The following PSKH1 variants were observed in gnomAD, a reference collection of about 807,000 sequenced individuals.
PSKH1 encodes the protein serine/threonine-protein kinase H1.
Under a neutral mutation model 26.7 loss-of-function variants are expected in PSKH1, and 12 were observed. That is an observed-to-expected ratio of 0.45 (90% CI 0.29 to 0.73). The LOEUF (loss-of-function observed/expected upper bound fraction) is 0.73. Among genes scored for constraint, PSKH1 ranks in the 30% least tolerant of loss-of-function variants. PSKH1 has a pLI of 0.11. For missense variants in PSKH1, 431 were observed against 595.2 expected, an observed-to-expected ratio of 0.72 and a Z score of 2.87; for synonymous variants, 213 against 234.3, an observed-to-expected ratio of 0.91 and a Z score of 0.83.
chr16:67,927,572 A>G lies in PSKH1; in HGVS notation c.1205A>G (p.Lys402Arg), dbSNP rs1333866869. The G allele has an allele frequency of 6.2e-7, 1 of 1,613,638 alleles. No individual in the cohort carries two copies. Among genetic ancestry groups the G allele is most frequent in the Non-Finnish European group, 8.5e-7 (1 of 1,180,028 alleles). ...TCCAGCCGCTCCACACGCTCCAATA[A>G]GTCACGCCGTGTGCGGGAACGGGAG... Reference protein sequence around the residue: ...TRSSRSTRSNKSRRVRERELR... With the variant: ...TRSSRSTRSNRSRRVRERELR... The change falls in exon 3 of 3, where the codon AAG (lysine) becomes AGG (arginine). Residue 402 changes from lysine (K) to arginine (R), a missense_variant. Lys to Arg is a conservative substitution (Grantham distance 26, BLOSUM62 2). Transcript: ENST00000291041. The surrounding 1 kb of genome is among the most constrained non-coding windows in gnomAD (Gnocchi z 5.5).
chr16:67,897,627 A>G (rs983420376), intron 1 of PSKH1, among the ~76,000 whole-genome samples: 2 of 152,190 alleles, frequency 1.3e-5, no homozygotes, highest in African/African-American at 4.8e-5. Flanking sequence ...GCAGGAATTC[A>G]GTAAATATTT....
intron 2 of PSKH1, among the ~76,000 whole-genome samples, chr16:67,911,079 G>A (rs963702978): frequency 6.6e-6 from 1 of 152,232 alleles, no homozygotes; most frequent in Non-Finnish European, 1.5e-5. Context: ...CAGCAAGCAT[G>A]GCAGCTGGAG....
intron 1 of PSKH1, among the ~76,000 whole-genome samples, chr16:67,897,870 C>T (rs979051953): frequency 2.6e-5 from 4 of 151,798 alleles, no homozygotes; most frequent in Admixed American, 6.6e-5. Context: ...TTTTTTGAGA[C>T]GGAGTCTTGC....
chr16:67,902,973 G>A (rs1040548969), intron 1 of PSKH1: 3 of 152,120 alleles, frequency 2.0e-5, no homozygotes, highest in African/African-American at 7.3e-5. Flanking sequence ...GTTCTATCCT[G>A]TGGCCTCTGC....
At chr16:67,900,703 T>C (rs527782028) in intron 1 of PSKH1, among the ~76,000 whole-genome samples, 2 of 152,288 alleles carry the variant, frequency 1.3e-5, no homozygotes, top group South Asian at 2.1e-4. Context: ...TGAATGCTCA[T>C]ACCCATTGCC....
chr16:67,902,383 C>T (rs999411537), intron 1 of PSKH1, among the ~76,000 whole-genome samples: 5 of 152,102 alleles, frequency 3.3e-5, no homozygotes, highest in Admixed American at 2.6e-4. Context: ...TCACTGCAGC[C>T]TCCCTGGTTC....
At chr16:67,908,356 G>A (rs1376672410) in intron 1 of PSKH1, among the ~76,000 whole-genome samples, 3 of 152,046 alleles carry the variant, frequency 2.0e-5, no homozygotes, top group African/African-American at 4.8e-5. Flanking sequence ...TGCAGCCTCC[G>A]CCTCCTGGGT....
chr16:67,893,523 G>A (rs1213351318), intron 1 of PSKH1, among the ~76,000 whole-genome samples, 152 bp downstream of exon 1: 3 of 152,264 alleles, frequency 2.0e-5, no homozygotes, highest in South Asian at 4.1e-4. Context: ...GGGTTGGAGA[G>A]CAGGCCGGGC....
At chr16:67,904,649 A>G (rs1051610963) in intron 1 of PSKH1, among the ~76,000 whole-genome samples, 6 of 150,980 alleles carry the variant, frequency 4.0e-5, no homozygotes, top group African/African-American at 1.2e-4. Flanking sequence ...CTACCCAGCT[A>G]ATTTTTTAAT....
Position 67,908,722 on chromosome 16 carries a change from C to T in PSKH1, c.-28C>T, listed in dbSNP as rs370429065. The T allele has an allele frequency of 5.7e-5, 88 of 1,548,760 alleles. No homozygotes were observed. In the African/African-American group the frequency reaches 7.7e-4, roughly 14 times the overall value. ...CCTTCAGAGCAGGTCCTGCCAGCCT[C>T]GCTGGAGAGGATGCCCTCGTGTCCG... On this transcript the variant is annotated 5_prime_UTR_variant, in exon 2 of 3. Coordinates refer to ENST00000291041, the MANE Select transcript of PSKH1 (RefSeq NM_006742.3).
intron 1 of PSKH1, among the ~76,000 whole-genome samples, chr16:67,894,454 CTTT>C (rs2058120520): frequency 6.6e-6 from 1 of 152,176 alleles, no homozygotes; most frequent in African/African-American, 2.4e-5. Context: ...TCCCCTTGTG[CTTT>C]AGATAACGCA....
intron 2 of PSKH1, among the ~76,000 whole-genome samples, chr16:67,921,763 G>A (rs945102839): frequency 7.2e-5 from 11 of 152,158 alleles, no homozygotes; most frequent in African/African-American, 2.4e-4. Context: ...TATGTTGGTG[G>A]CACAGGCCTA....
At chr16:67,906,634 G>T (rs1277912833) in intron 1 of PSKH1, among the ~76,000 whole-genome samples, 2 of 152,132 alleles carry the variant, frequency 1.3e-5, no homozygotes, top group Middle Eastern at 3.4e-3. Context: ...CAAAGTGCTG[G>T]GATTACAGGT....
intron 1 of PSKH1, among the ~76,000 whole-genome samples, chr16:67,894,211 G>A (rs1350323108): frequency 6.6e-6 from 1 of 152,170 alleles, no homozygotes; most frequent in South Asian, 2.1e-4. Flanking sequence ...GGAGTGCAAT[G>A]GCTCATTCAT....
intron 1 of PSKH1, among the ~76,000 whole-genome samples, chr16:67,894,084 T>G (rs974844453): frequency 6.6e-6 from 1 of 152,224 alleles, no homozygotes; most frequent in African/African-American, 2.4e-5. Context: ...AGCACTTCTG[T>G]GCTCCCTTTA....
At chr16:67,913,470 T>A (rs1267569944) in intron 2 of PSKH1, among the ~76,000 whole-genome samples, 4 of 148,598 alleles carry the variant, frequency 2.7e-5, no homozygotes, top group Admixed American at 2.0e-4. Context: ...TAAAAAAAAT[T>A]TTTTTTTTTA....
chr16:67,907,642 C>G (rs2058160437), intron 1 of PSKH1, among the ~76,000 whole-genome samples: 1 of 152,212 alleles, frequency 6.6e-6, no homozygotes, highest in African/African-American at 2.4e-5. Context: ...GTCCCAAGTT[C>G]ACTGGGGTTG....
chr16:67,899,602 C>T (rs958504646), intron 1 of PSKH1, among the ~76,000 whole-genome samples: 7 of 151,530 alleles, frequency 4.6e-5, no homozygotes, highest in East Asian at 2.0e-4. Flanking sequence ...CCCAAAATGC[C>T]GGGATTACAG....
Position 67,927,618 on chromosome 16 carries a change from C to T in PSKH1, c.1251C>T (p.Arg417=). 6.2e-7 allele frequency: 1 copy of T among 1,607,876 alleles called. No homozygotes were observed. Residue 417 remains arginine, a synonymous_variant, in exon 3 of 3, where the codon CGC becomes CGT. Coordinates refer to ENST00000291041, the MANE Select transcript of PSKH1 (RefSeq NM_006742.3). The surrounding 1 kb of genome is among the most constrained non-coding windows in gnomAD (Gnocchi z 5.5). The part of the protein sequence containing the change: ...RERELRELNL[R]YQQQYNG ...GGGAGCTGCGGGAGCTCAACCTGCG[C>T]TACCAGCAGCAATACAATGGCTGAG...
Sources: allele counts gnomAD v4.1 joint callset (sites outside exome capture counted in the v4.1 genomes callset), GRCh38; gene constraint gnomAD v4.1.1; non-coding constraint Gnocchi (gnomAD v3.1); transcripts MANE v1.5; gene names NCBI Gene and HGNC (gene_info 2026-07-23, HGNC 2026-07-21).